Variants in NHSL2 observed in about 807,000 individuals in gnomAD.
NHSL2 encodes the protein NHS like 2.
Under a neutral mutation model 53.4 loss-of-function variants are expected in NHSL2, and 27 were observed. The observed-to-expected ratio is 0.51, with a 90% CI of 0.37 to 0.70. The LOEUF (loss-of-function observed/expected upper bound fraction) is 0.70, where lower values mean the gene tolerates loss of function less well. Ranked by LOEUF, NHSL2 falls within the 30% of genes least tolerant of loss-of-function variation. The probability of loss-of-function intolerance (pLI) is 0.00; values close to 1 mark genes in which losing one functional copy is unlikely to be tolerated. For missense variants in NHSL2, 892 were observed against 980.1 expected, an observed-to-expected ratio of 0.91 and a Z score of 1.20; for synonymous variants, 408 against 404.1, an observed-to-expected ratio of 1.01 and a Z score of -0.12.
At chrX:71,966,972 GAT>G (rs755319213) in intron 1 of NHSL2, among the ~76,000 whole-genome samples, 31 of 112,275 alleles carry the variant, frequency 2.8e-4, no homozygotes, top group Non-Finnish European at 5.8e-4. Flanking sequence ...TTATTTAATA[GAT>G]ATATGACTAT....
In NHSL2 at chrX:72,139,863, A is replaced by G. The variant is rs2042397636; in HGVS notation, c.2315A>G (p.Asp772Gly). ...TTTCCCAAGTCACGGCTATCATTTGACCTACCACTGACCTCTTCACCCAAC... is the reference window on the plus strand; with the variant it reads ...TTTCCCAAGTCACGGCTATCATTTGGCCTACCACTGACCTCTTCACCCAAC... ...EKFPKSRLSFDLPLTSSPNLD... is the reference protein window; with the variant it reads ...EKFPKSRLSFGLPLTSSPNLD... Residue 772 changes from aspartate (D) to glycine (G), a missense_variant, in exon 6 of 8, where the codon GAC (aspartate) becomes GGC (glycine). By Grantham distance (94) the Asp-to-Gly change is moderately conservative (BLOSUM62 -1). Transcript: ENST00000633930. 8.3e-7 allele frequency: 1 copy of G among 1,210,729 alleles called. No homozygotes were observed. Among genetic ancestry groups the G allele is most frequent in the Non-Finnish European group, 1.1e-6 (1 of 894,708 alleles).
At chrX:71,956,393 T>C (rs2041843234) in intron 1 of NHSL2, among the ~76,000 whole-genome samples, 1 of 111,488 alleles carries the variant, frequency 9.0e-6, no homozygotes, top group Non-Finnish European at 1.9e-5. Context: ...GTTAGAAAAC[T>C]ATCAGGAGCA....
intron 1 of NHSL2, among the ~76,000 whole-genome samples, chrX:71,977,863 A>T (rs1358147619): frequency 2.7e-5 from 3 of 111,711 alleles, no homozygotes; most frequent in Non-Finnish European, 5.6e-5. Flanking sequence ...TTCTAGAAGG[A>T]GGTGACCATA....
intron 1 of NHSL2, among the ~76,000 whole-genome samples, chrX:71,964,137 C>T (rs1830656547): frequency 1.0e-5 from 1 of 99,406 alleles, no homozygotes; most frequent in Non-Finnish European, 2.0e-5. Context: ...CATAGGTATA[C>T]ACATGCCATG....
chrX:72,061,834 G>T (rs1481252682), intron 1 of NHSL2, among the ~76,000 whole-genome samples: 1 of 111,927 alleles, frequency 8.9e-6, no homozygotes, highest in Non-Finnish European at 1.9e-5. Flanking sequence ...CTCCTTCTCA[G>T]GCTCAGTTCT....
At chrX:72,072,772 T>C (rs1431304608) in intron 1 of NHSL2, among the ~76,000 whole-genome samples, 1 of 112,404 alleles carries the variant, frequency 8.9e-6, no homozygotes, top group Non-Finnish European at 1.9e-5. Context: ...AATTTTATCA[T>C]TGCTGGTATT....
chrX:72,130,729 C>T (rs1260241518), intron 1 of NHSL2: 1 of 1,210,179 alleles, frequency 8.3e-7, no homozygotes, highest in Non-Finnish European at 1.1e-6. Flanking sequence ...GTTTTGGAGG[C>T]GGCAGTCATC....
intron 7 of NHSL2, 72 bp downstream of exon 7, chrX:72,142,436 C>T: frequency 1.3e-6 from 1 of 795,044 alleles, no homozygotes; most frequent in Non-Finnish European, 1.7e-6. Context: ...CCTGCTATTC[C>T]ACATTGAAAT....
chrX:71,911,363 G>C lies in NHSL2; in HGVS notation c.276G>C (p.Glu92Asp). ...TTGGCCCGGAGGAGGACGAGGAAGA[G>C]CTAGGTAAAAACGGCGCCCCGGTGG... ...RLLGPEEDEE[E>D]LAAANSGREN... The change falls in exon 1 of 8, where the codon GAG becomes GAC. Residue 92 changes from glutamate to aspartate, a missense_variant. Glu to Asp is a conservative substitution (Grantham distance 45, BLOSUM62 2). Transcript: ENST00000633930. 1 of 1,078,694 alleles carries C rather than the reference G, an allele frequency of 9.3e-7. No individual in the cohort carries two copies. Among genetic ancestry groups the C allele is most frequent in the Non-Finnish European group, 1.2e-6 (1 of 832,297 alleles). The allele number at this position is 1,078,694 out of a possible 1,213,427, so 88.9% of individuals were successfully genotyped here.
chrX:71,911,426 G>A, intron 1 of NHSL2, 59 bp downstream of exon 1: 2 of 983,273 alleles, frequency 2.0e-6, no homozygotes, highest in Non-Finnish European at 1.3e-6. Context: ...TAGGGGCGCC[G>A]GTCGGCGCTT....
At chrX:72,071,209 A>G (rs1295089547) in intron 1 of NHSL2, among the ~76,000 whole-genome samples, 1 of 111,817 alleles carries the variant, frequency 8.9e-6, no homozygotes, top group Non-Finnish European at 1.9e-5. Context: ...GAGCCAAAGA[A>G]TAAAAATTCT....
At chrX:72,096,162 G>C (rs2041942219) in intron 1 of NHSL2, among the ~76,000 whole-genome samples, 1 of 110,787 alleles carries the variant, frequency 9.0e-6, no homozygotes, top group Non-Finnish European at 1.9e-5. Context: ...AGGAGAGGGG[G>C]CTGGGAGGCC....
chrX:72,098,829 G>A (rs766102560), intron 1 of NHSL2, among the ~76,000 whole-genome samples: 1 of 111,510 alleles, frequency 9.0e-6, no homozygotes, highest in Admixed American at 9.5e-5. Flanking sequence ...AAATAGTACT[G>A]GAGAGTTTCA....
chrX:71,994,391 C>T lies in NHSL2; in HGVS notation c.280+83024C>T, dbSNP rs752150993. Among the ~76,000 whole-genome samples the T allele has an allele frequency of 4.1e-4, 44 of 106,236 alleles. 1 individual carries two copies. In the South Asian group the frequency reaches 0.019, roughly 45 times the overall value. 92.3% of individuals were successfully genotyped at this position (106,236 alleles called of 115,157 possible). ...ATGGCTCAGCCAGGTGCTGGAGGAA[C>T]AAAATGAGTAAATCAAGCTGAAGAG... On this transcript the variant is annotated intron_variant, in intron 1 of 7. Transcript: ENST00000633930.
intron 1 of NHSL2, among the ~76,000 whole-genome samples, chrX:71,928,621 C>A (rs1213586541): frequency 9.0e-6 from 1 of 111,157 alleles, no homozygotes; most frequent in African/African-American, 3.3e-5. Context: ...TTCCCCTCTA[C>A]CATATGGTAT....
chrX:72,136,202 A>G (rs2042354796), intron 4 of NHSL2, among the ~76,000 whole-genome samples: 1 of 110,607 alleles, frequency 9.0e-6, no homozygotes, highest in South Asian at 3.9e-4. Flanking sequence ...CCTTGCCTTG[A>G]CTCTGACCCA....
At chrX:71,936,040 G>A (rs141581048) in intron 1 of NHSL2, among the ~76,000 whole-genome samples, 207 of 112,210 alleles carry the variant, frequency 1.8e-3, no homozygotes, top group African/African-American at 6.3e-3. Flanking sequence ...GGCACACACA[G>A]GTAAAGTTAC....
chrX:71,918,284 C>G (rs2041638968), intron 1 of NHSL2, among the ~76,000 whole-genome samples: 1 of 110,702 alleles, frequency 9.0e-6, no homozygotes, highest in Non-Finnish European at 1.9e-5. Flanking sequence ...TTGACGATAT[C>G]TTTTATTATT....
chrX:72,099,971 C>A (rs1470727541), intron 1 of NHSL2, among the ~76,000 whole-genome samples: 1 of 110,851 alleles, frequency 9.0e-6, no homozygotes, highest in Non-Finnish European at 1.9e-5. Context: ...CAGAGAGATT[C>A]AAAATGTCAC....
Sources: allele counts gnomAD v4.1 joint callset (sites outside exome capture counted in the v4.1 genomes callset), GRCh38; gene constraint gnomAD v4.1.1; transcripts MANE v1.5; gene names NCBI Gene and HGNC (gene_info 2026-07-23, HGNC 2026-07-21).